KREMEN1: variants seen among roughly 807,000 people sequenced by gnomAD.
KREMEN1 encodes the protein kringle containing transmembrane protein 1.
Under a neutral mutation model 46.5 loss-of-function variants are expected in KREMEN1, and 30 were observed. That is an observed-to-expected ratio of 0.65 (90% CI 0.48 to 0.88). The LOEUF is 0.88. Among genes scored for constraint, KREMEN1 ranks in the 40% least tolerant of loss-of-function variants. The pLI, the probability that KREMEN1 is intolerant of heterozygous loss-of-function variation, is 0.00. For missense variants in KREMEN1, 533 were observed against 596.9 expected (o/e 0.89, Z 1.11); for synonymous variants, 214 against 230.6 (o/e 0.93, Z 0.65).
chr22:29,094,373 G>T lies in KREMEN1; in HGVS notation c.213G>T (p.Leu71=). ...CTTTCCAGCATCCATACAACACTCT[G>T]AAATACCCCAACGGGGAGGGGGGCC... ...NETFQHPYNT[L]KYPNGEGGLG... is the part of the protein sequence containing the mutation. The change falls in exon 2 of 9, where the codon CTG becomes CTT. Residue 71 remains leucine, a synonymous_variant. Transcript: ENST00000400335. The T allele has an allele frequency of 6.2e-7, 1 of 1,613,468 alleles. No individual in the cohort carries two copies. Among genetic ancestry groups the T allele is most frequent in the African/African-American group, 1.3e-5 (1 of 74,956 alleles).
At position 29,073,563 on chromosome 22, in the gene KREMEN1, G is replaced by A. The variant is rs1476643869; in HGVS notation, c.97+336G>A. On this transcript the variant is annotated intron_variant, in intron 1 of 8. Transcript: ENST00000400335. This position sits in a 1 kb window ranked among gnomAD's most constrained non-coding sequence, Gnocchi z 4.4. ...CGGGCTGGGACATCTTCTCTGTCTC[G>A]GGATCTGGGACCCGCTGCCCGAGTC... Among the ~76,000 whole-genome samples, 1 of 151,882 alleles carries A rather than the reference G, an allele frequency of 6.6e-6. No individual in the cohort carries two copies. The highest frequency in any genetic ancestry group is 1.5e-5 in the Non-Finnish European group (1 of 67,900).
At chr22:29,081,274 C>T (rs576452454) in intron 1 of KREMEN1, among the ~76,000 whole-genome samples, 1 of 152,230 alleles carries the variant, frequency 6.6e-6, no homozygotes, top group East Asian at 1.9e-4. Context: ...GACAGTGTTT[C>T]AGAAACCTTA....
intron 6 of KREMEN1, 21 bp downstream of exon 6, chr22:29,137,695 T>C (rs369317121): frequency 2.8e-5 from 43 of 1,561,622 alleles, no homozygotes; most frequent in Non-Finnish European, 2.9e-5. Context: ...TTTGCCTCCT[T>C]GGGGGTTCTT....
downstream of KREMEN1, among the ~76,000 whole-genome samples, chr22:29,147,422 T>C (rs1007753833): frequency 5.3e-5 from 8 of 152,100 alleles, no homozygotes; most frequent in African/African-American, 1.9e-4. Flanking sequence ...ATCCTACAAC[T>C]CTTCGCCATG....
rs134658 is a variant in KREMEN1 at position 29,094,572 on chromosome 22, T to TACACAC, written c.260+190_260+195dup. ...TTTTAAAAATATTTCTTTCACACCT[T>TACACAC]ACACACACACACACACACACACACA... is the stretch of plus-strand genomic sequence containing the variant. On this transcript the variant is annotated intron_variant, in intron 2 of 8. Coordinates refer to ENST00000400335, the MANE Select transcript of KREMEN1 (RefSeq NM_001039570.3). 2.5e-3 allele frequency: 629 copies of TACACAC among 255,760 alleles called. 6 individuals are homozygous for TACACAC. Among genetic ancestry groups the TACACAC allele is most frequent in the East Asian group, 0.015 (150 of 9,918 alleles). The allele number at this position is 255,760 out of a possible 1,614,324, so 15.8% of individuals were successfully genotyped here.
In KREMEN1 at chr22:29,142,515, A is replaced by G. The variant is rs976585749; in HGVS notation, c.*403A>G. The G allele has an allele frequency of 2.0e-5, 20 of 991,726 alleles. No individual in the cohort carries two copies. The highest frequency in any genetic ancestry group is 2.4e-5 in the Non-Finnish European group (20 of 834,516). The allele number at this position is 991,726 out of a possible 1,614,324, so 61.4% of individuals were successfully genotyped here. The stretch of plus-strand genomic sequence containing the variant: ...TACATTGAATTTTTCTTGCTTCTCT[A>G]TTTTTGTCCACACACAAATCAGTTT... On this transcript the variant is annotated 3_prime_UTR_variant, in exon 9 of 9. Transcript: ENST00000400335.
At chr22:29,135,997 C>T (rs1027180620) in intron 5 of KREMEN1, among the ~76,000 whole-genome samples, 2 of 152,130 alleles carry the variant, frequency 1.3e-5, no homozygotes, top group African/African-American at 4.8e-5. Context: ...TCTCGGCTCA[C>T]TGCAACCTCC....
intron 1 of KREMEN1, among the ~76,000 whole-genome samples, chr22:29,085,033 G>T: frequency 6.6e-6 from 1 of 152,136 alleles, no homozygotes; most frequent in East Asian, 1.9e-4. Context: ...AGGGCAGCTC[G>T]TTCTATGGTC....
At chr22:29,131,560 ATGTGTGTGTGTG>A (rs1176208187) in intron 5 of KREMEN1, among the ~76,000 whole-genome samples, 1 of 69,976 alleles carries the variant, frequency 1.4e-5, no homozygotes, top group African/African-American at 8.4e-5. Flanking sequence ...ATATATATAT[ATGTGTGTGTGTG>A]TGTGTGTGTG....
intron 3 of KREMEN1, among the ~76,000 whole-genome samples, chr22:29,111,366 A>G (rs1391514994): frequency 6.6e-6 from 1 of 151,556 alleles, no homozygotes; most frequent in Admixed American, 6.6e-5. Context: ...TAATCCCAGC[A>G]CTTTGGGAGG....
intron 1 of KREMEN1, among the ~76,000 whole-genome samples, chr22:29,081,925 T>C (rs1363189241): frequency 2.6e-5 from 4 of 152,314 alleles, no homozygotes; most frequent in African/African-American, 9.6e-5. Context: ...CTTATATTAT[T>C]TGTCTATCCC....
At chr22:29,121,553 A>G (rs2038357246) in intron 4 of KREMEN1, 72 bp downstream of exon 4, 4 of 1,523,648 alleles carry the variant, frequency 2.6e-6, no homozygotes, top group Admixed American at 1.7e-5. Flanking sequence ...GATAACTTAA[A>G]AATAAGTGCT....
intron 3 of KREMEN1, among the ~76,000 whole-genome samples, chr22:29,119,823 A>G (rs573046907): frequency 1.3e-5 from 2 of 152,388 alleles, no homozygotes; most frequent in Admixed American, 6.5e-5. Flanking sequence ...AAAGATGTTC[A>G]TGATATAATC....
chr22:29,127,363 A>G (rs2038461461), intron 5 of KREMEN1, among the ~76,000 whole-genome samples: 1 of 152,212 alleles, frequency 6.6e-6, no homozygotes, highest in Non-Finnish European at 1.5e-5. Context: ...TCAATTAAAA[A>G]ATGGAAAATG....
chr22:29,101,438 T>C (rs1370870757), intron 3 of KREMEN1, among the ~76,000 whole-genome samples: 1 of 152,178 alleles, frequency 6.6e-6, no homozygotes, highest in Non-Finnish European at 1.5e-5. Context: ...AAAAATTATT[T>C]TTAATGAATT....
intron 9 of KREMEN1, among the ~76,000 whole-genome samples, chr22:29,155,959 CAAAA>C (rs11320591): frequency 6.8e-6 from 1 of 147,944 alleles, no homozygotes. Flanking sequence ...AACTCCATCT[CAAAA>C]AAAAAAAAAA....
At chr22:29,105,954 G>A (rs1294212682) in intron 3 of KREMEN1, among the ~76,000 whole-genome samples, 2 of 152,226 alleles carry the variant, frequency 1.3e-5, no homozygotes, top group African/African-American at 2.4e-5. Context: ...TCAGATGTTA[G>A]TATTTGCCTT....
At chr22:29,136,984 T>A (rs1215863981) in intron 5 of KREMEN1, among the ~76,000 whole-genome samples, 1 of 152,168 alleles carries the variant, frequency 6.6e-6, no homozygotes, top group Non-Finnish European at 1.5e-5. Flanking sequence ...CAGGAGCAGA[T>A]GGTGCTCTCT....
intron 7 of KREMEN1, among the ~76,000 whole-genome samples, chr22:29,139,161 A>G (rs2038718810): frequency 6.6e-6 from 1 of 152,246 alleles, no homozygotes; most frequent in African/African-American, 2.4e-5. Context: ...CAAAAGATAT[A>G]TAAGTGCTTC....
Sources: allele counts gnomAD v4.1 joint callset (sites outside exome capture counted in the v4.1 genomes callset), GRCh38; gene constraint gnomAD v4.1.1; non-coding constraint Gnocchi (gnomAD v3.1); transcripts MANE v1.5; gene names NCBI Gene and HGNC (gene_info 2026-07-23, HGNC 2026-07-21).